CRHBP: variants seen among roughly 807,000 people sequenced by gnomAD.
The protein encoded by CRHBP is corticotropin releasing hormone binding protein.
In CRHBP, 19 loss-of-function variants were observed where a neutral mutation model predicts 34.9. The ratio of observed to expected loss-of-function variants is 0.55; its 90% CI spans 0.38 to 0.80. The LOEUF is 0.80. Ranked by LOEUF, CRHBP falls within the 30% of genes least tolerant of loss-of-function variation. The pLI is 0.00. For synonymous variants in CRHBP, 154 were observed against 153.4 expected, an observed-to-expected ratio of 1.00 and a Z score of -0.03; for missense variants, 328 against 409.2, an observed-to-expected ratio of 0.80 and a Z score of 1.71.
chr5:76,955,817 A>G lies in CRHBP; in HGVS notation c.498A>G (p.Pro166=). Residue 166 remains proline, a synonymous_variant, in exon 4 of 7, where the codon CCA becomes CCG. Transcript: ENST00000274368. ...TGATCTTCTTCCGAGTCCATGAACC[A>G]GGAAATGGATTCACATTAACCATAA... is the stretch of plus-strand genomic sequence containing the variant. ...VAMIFFRVHE[P]GNGFTLTIKT... is the part of the protein sequence containing the mutation. 6.2e-7 allele frequency: 1 copy of G among 1,614,244 alleles called. No homozygotes were observed. Among genetic ancestry groups the G allele is most frequent in the East Asian group, 2.2e-5 (1 of 44,884 alleles).
rs1199099560 is a variant in CRHBP, at chr5:76,953,706, C to A, written c.175+12C>A. The A allele has an allele frequency of 6.3e-7, 1 of 1,599,702 alleles. No homozygotes were observed. Among genetic ancestry groups the A allele is most frequent in the Admixed American group, 1.7e-5 (1 of 58,172 alleles). ...CCGCCGCGCTCTGCGTGAGTCGAGG[C>A]TGCCCGGCTCGCGGGCGCCCGGGAC... On this transcript the variant is annotated intron_variant, in intron 2 of 6. Coordinates refer to ENST00000274368, the MANE Select transcript of CRHBP (RefSeq NM_001882.4).
In CRHBP at chr5:76,966,576, G is replaced by C. The variant is rs139697275; in HGVS notation, c.812-2152G>C. On this transcript the variant is annotated intron_variant, in intron 6 of 6. Transcript: ENST00000274368. ...GCTTTAGGAAGTTTGCATTAATTGGGCTTAGGTTCCCTGCCCCCAGACCCA... is the reference window on the plus strand; with the variant it reads ...GCTTTAGGAAGTTTGCATTAATTGGCCTTAGGTTCCCTGCCCCCAGACCCA... 8.9e-4 allele frequency among the ~76,000 whole-genome samples: 136 copies of C among 152,172 alleles called. 1 individual carries two copies. The highest frequency in any genetic ancestry group is 3.0e-3 in the African/African-American group (125 of 41,526).
At chr5:76,966,030 T>C (rs1301465339) in intron 6 of CRHBP, among the ~76,000 whole-genome samples, 2 of 152,204 alleles carry the variant, frequency 1.3e-5, no homozygotes, top group South Asian at 2.1e-4. Context: ...TCCTTTCTTT[T>C]GTTTTGAGAT....
downstream of CRHBP, among the ~76,000 whole-genome samples, chr5:76,969,683 C>T (rs1397387978): frequency 1.3e-5 from 2 of 152,174 alleles, no homozygotes; most frequent in African/African-American, 4.8e-5. Context: ...GGCAGGGAAG[C>T]GGGTGCAGAG....
chr5:76,975,825 A>AAAAAAAATATAT, intron 2 of CRHBP, among the ~76,000 whole-genome samples: 1 of 61,846 alleles, frequency 1.6e-5, no homozygotes, highest in African/African-American at 9.1e-5. Context: ...AAAAAAAAAA[A>AAAAAAAATATAT]ATATATATAT....
At chr5:76,953,492 C>T (rs975169657) in intron 1 of CRHBP, 109 bp from the exon 2 acceptor site, 43 of 1,135,150 alleles carry the variant, frequency 3.8e-5, no homozygotes, top group Non-Finnish European at 5.1e-5. Context: ...AACATTACCC[C>T]TCTCTCTTTA....
In CRHBP at chr5:76,953,768, C is replaced by T; in HGVS notation, c.175+74C>T. On this transcript the variant is annotated intron_variant, in intron 2 of 6. Coordinates refer to ENST00000274368, the MANE Select transcript of CRHBP (RefSeq NM_001882.4). ...GGGACTCTGTGCGGGGGGCAGAGGG[C>T]TCGCGGACATCTCGGGGAAGGGGCT... is the stretch of plus-strand genomic sequence containing the variant. The T allele has an allele frequency of 4.9e-6, 7 of 1,438,780 alleles. No individual in the cohort carries two copies. The South Asian group carries it at 6.1e-5, about 13-fold the overall frequency. 89.1% of individuals were successfully genotyped at this position (1,438,780 alleles called of 1,614,324 possible).
chr5:76,978,464 C>A (rs952183404), intron 3 of CRHBP, among the ~76,000 whole-genome samples: 1 of 152,154 alleles, frequency 6.6e-6, no homozygotes, highest in African/African-American at 2.4e-5. Context: ...AACAACAAAG[C>A]CTGGATGATA....
downstream of CRHBP, among the ~76,000 whole-genome samples, chr5:76,970,526 TTGAA>T (rs772918151): frequency 2.0e-5 from 3 of 152,210 alleles, no homozygotes; most frequent in African/African-American, 4.8e-5. Flanking sequence ...GAATAAATGC[TTGAA>T]TGGATGGATG....
At chr5:76,975,803 CAAAAA>C (rs1158363151) in intron 2 of CRHBP, among the ~76,000 whole-genome samples, 6 of 35,222 alleles carry the variant, frequency 1.7e-4, no homozygotes, top group South Asian at 2.2e-3. Flanking sequence ...GACTCTGTCT[CAAAAA>C]AAAAAAAAAA....
chr5:76,971,317 A>C (rs1745941208), downstream of CRHBP, among the ~76,000 whole-genome samples: 1 of 152,190 alleles, frequency 6.6e-6, no homozygotes, highest in African/African-American at 2.4e-5. Flanking sequence ...TGCCTTCTTC[A>C]AAAGGTTTTT....
intron 5 of CRHBP, among the ~76,000 whole-genome samples, chr5:76,960,541 G>T (rs1480764883): frequency 6.6e-6 from 1 of 152,168 alleles, no homozygotes; most frequent in African/African-American, 2.4e-5. Flanking sequence ...TGAATGGGCT[G>T]TAGGGCCATG....
At chr5:76,963,254 G>A (rs1245887377) in intron 5 of CRHBP, 89 bp from the exon 6 acceptor site, 1 of 968,846 alleles carries the variant, frequency 1.0e-6, no homozygotes, top group African/African-American at 1.6e-5. Context: ...AGGGCTGATT[G>A]AGTGAATTCA....
chr5:76,954,029 G>A lies in CRHBP; in HGVS notation c.176G>A (p.Arg59Gln), dbSNP rs772324107. 18 of 1,611,950 alleles carry A rather than the reference G, an allele frequency of 1.1e-5. No individual in the cohort carries two copies. The East Asian group carries it at 3.6e-4, about 32-fold the overall frequency. The change falls in exon 3 of 7, where the codon CGG (arginine) becomes CAG (glutamine). Residue 59 changes from arginine to glutamine, a missense_variant and splice_region_variant. Arg to Gln is a conservative substitution (Grantham distance 43). Around this residue, in one of 3 missense-constraint regions of CRHBP, gnomAD observed 173 missense variants for 172.2 expected, o/e 1.00. Transcript: ENST00000274368. ...AGEQPYRRAL[R>Q]CLDMLSLQGQ... is the part of the protein sequence containing the mutation. ...ATTGCCCCATGCCCTCCTCCCCCAG[G>A]GTGCCTGGACATGCTGAGCCTCCAG...
chr5:76,967,013 C>T (rs1464257178), intron 6 of CRHBP, among the ~76,000 whole-genome samples: 6 of 152,074 alleles, frequency 3.9e-5, no homozygotes, highest in African/African-American at 1.4e-4. Flanking sequence ...GAGTCTGAAG[C>T]GGGCACATCA....
At chr5:76,980,234 G>A (rs1466395758) in intron 3 of CRHBP, among the ~76,000 whole-genome samples, 8 of 135,766 alleles carry the variant, frequency 5.9e-5, no homozygotes, top group African/African-American at 8.5e-5. Context: ...CAGCCTGGGC[G>A]ACAGAGCGAG....
At chr5:76,956,381 G>C (rs1360336033) in intron 4 of CRHBP, among the ~76,000 whole-genome samples, 1 of 152,200 alleles carries the variant, frequency 6.6e-6, no homozygotes, top group East Asian at 1.9e-4. Context: ...ATTCATTTAT[G>C]ATGGACACAC....
chr5:76,958,625 T>C, intron 4 of CRHBP, 116 bp from the exon 5 acceptor site: 1 of 1,192,726 alleles, frequency 8.4e-7, no homozygotes, highest in Non-Finnish European at 1.1e-6. Flanking sequence ...GCTCTCTTCC[T>C]GGGCAGAAGG....
chr5:76,973,573 C>T (rs79663377), downstream of CRHBP, among the ~76,000 whole-genome samples: 6,294 of 152,254 alleles, frequency 0.041, 372 homozygotes, highest in African/African-American at 0.14. Context: ...CTGAATTGCC[C>T]TCTCTTCAAT....
Sources: gnomAD v4.1 joint callset for allele counts (sites outside exome capture counted in the v4.1 genomes callset) on GRCh38, gnomAD v4.1.1 for gene constraint, gnomAD v4.1.1 regional missense constraint, MANE v1.5 for transcripts, NCBI Gene and HGNC (gene_info 2026-07-23, HGNC 2026-07-21) for gene names.